Variants in ARMC3 observed in about 807,000 individuals in gnomAD.
ARMC3 encodes armadillo repeat containing 3.
A neutral mutation model predicts 90.3 loss-of-function variants in ARMC3; 74 were observed. The ratio of observed to expected loss-of-function variants is 0.82; its 90% CI spans 0.68 to 0.99. The LOEUF (loss-of-function observed/expected upper bound fraction) is 0.99. Ranked by LOEUF, ARMC3 falls within the 50% of genes least tolerant of loss-of-function variation. ARMC3 has a pLI of 0.00. For synonymous variants in ARMC3, 334 were observed against 361.8 expected (o/e 0.92, Z 0.87); for missense variants, 958 against 1,042.8 (o/e 0.92, Z 1.12).
chr10:22,933,249 T>C (rs894034448), intron 2 of ARMC3, among the ~76,000 whole-genome samples: 7 of 152,216 alleles, frequency 4.6e-5, no homozygotes, highest in African/African-American at 1.7e-4. Flanking sequence ...TCCTAAAATG[T>C]TGCAGATTCT....
chr10:23,015,467 A>G (rs536821356), intron 16 of ARMC3, among the ~76,000 whole-genome samples: 1 of 152,226 alleles, frequency 6.6e-6, no homozygotes, highest in Non-Finnish European at 1.5e-5. Flanking sequence ...GAAATGTGTG[A>G]TAAGTTCTGT....
intron 17 of ARMC3, chr10:23,031,094 A>G (rs555718905): frequency 1.3e-4 from 35 of 269,472 alleles, no homozygotes; most frequent in Non-Finnish European, 1.9e-4. Context: ...GAATGAATCA[A>G]AAGTTTGAAG....
rs1185513820 is a variant in ARMC3 at position 23,008,723 on chromosome 10, TA to T, written c.1929-87del. ...ATGAAGTAAAAATTGTATAATGAAG[TA>T]AAAATGCCTTGTAAGCTCTAAATGC... On this transcript the variant is annotated intron_variant, in intron 15 of 18. Transcript: ENST00000298032. The T allele has an allele frequency of 6.6e-6, 7 of 1,057,218 alleles. No individual in the cohort carries two copies. The East Asian group carries it at 1.7e-4, about 26-fold the overall frequency. 65.5% of individuals were successfully genotyped at this position (1,057,218 alleles called of 1,614,324 possible).
intron 8 of ARMC3, among the ~76,000 whole-genome samples, chr10:22,976,255 A>T (rs375977259): frequency 2.8e-4 from 43 of 152,056 alleles, no homozygotes; most frequent in African/African-American, 9.6e-4. Context: ...TTTCTTATCA[A>T]CCTCTTTGAC....
intron 16 of ARMC3, among the ~76,000 whole-genome samples, chr10:23,011,455 C>G (rs919100809): frequency 2.0e-5 from 3 of 152,194 alleles, no homozygotes; most frequent in Non-Finnish European, 4.4e-5. Flanking sequence ...GGTAAACACT[C>G]AACCAGTGTC....
At chr10:23,032,775 C>T (rs1021537216) in intron 17 of ARMC3, 86 bp from the exon 18 acceptor site, 1 of 1,312,894 alleles carries the variant, frequency 7.6e-7, no homozygotes, top group Admixed American at 2.6e-5. Flanking sequence ...GTCATTTTTA[C>T]ATGTATATTT....
At chr10:23,033,132 T>C (rs960754407) in intron 18 of ARMC3, 109 bp downstream of exon 18, 2 of 995,398 alleles carry the variant, frequency 2.0e-6, no homozygotes, top group African/African-American at 3.3e-5. Context: ...AATTCTACCA[T>C]TTAGATTTAT....
intron 16 of ARMC3, among the ~76,000 whole-genome samples, chr10:23,021,331 G>A (rs1469732499): frequency 6.6e-6 from 1 of 152,218 alleles, no homozygotes; most frequent in Non-Finnish European, 1.5e-5. Flanking sequence ...TGTACACCCA[G>A]TAATGGGATG....
At chr10:22,959,650 G>T (rs1404082853) in intron 6 of ARMC3, 76 bp downstream of exon 6, 55 of 1,429,426 alleles carry the variant, frequency 3.8e-5, no homozygotes, top group Non-Finnish European at 4.6e-5. Flanking sequence ...ATAGAAAAAA[G>T]CTTTTAAAAA....
At chr10:22,999,384 A>G (rs1191017537) in intron 11 of ARMC3, among the ~76,000 whole-genome samples, 2 of 152,198 alleles carry the variant, frequency 1.3e-5, no homozygotes, top group African/African-American at 4.8e-5. Context: ...CCGCATCTCT[A>G]CAAAAAGACT....
At chr10:22,945,044 G>A (rs1231466994) in intron 2 of ARMC3, among the ~76,000 whole-genome samples, 5 of 152,136 alleles carry the variant, frequency 3.3e-5, no homozygotes, top group Non-Finnish European at 7.4e-5. Context: ...AGACAATGCC[G>A]TTCTAAAATT....
chr10:23,024,720 A>T (rs1320710315), intron 16 of ARMC3, among the ~76,000 whole-genome samples: 1 of 152,158 alleles, frequency 6.6e-6, no homozygotes, highest in African/African-American at 2.4e-5. Flanking sequence ...GTCAAGATGG[A>T]ATCCTAAAAA....
chr10:23,022,704 C>G (rs1024509028), intron 16 of ARMC3, among the ~76,000 whole-genome samples: 3 of 152,146 alleles, frequency 2.0e-5, no homozygotes, highest in Non-Finnish European at 4.4e-5. Context: ...TCCCTTTTCC[C>G]CCTTCTACCC....
At chr10:22,979,337 T>C (rs1836084530) in intron 8 of ARMC3, among the ~76,000 whole-genome samples, 1 of 152,230 alleles carries the variant, frequency 6.6e-6, no homozygotes, top group Non-Finnish European at 1.5e-5. Context: ...TGTTAATTCA[T>C]CTTTTAAATC....
chr10:22,957,521 G>A (rs56675589), intron 4 of ARMC3, among the ~76,000 whole-genome samples: 5,512 of 152,166 alleles, frequency 0.036, 314 homozygotes, highest in African/African-American at 0.12. Flanking sequence ...CAGTCATGGC[G>A]GAGTGCATGA....
At position 22,971,883 on chromosome 10, in the gene ARMC3, C is replaced by T. The variant is rs535110033; in HGVS notation, c.916+3394C>T. Among the ~76,000 whole-genome samples, 3 of 152,270 alleles carry T rather than the reference C, an allele frequency of 2.0e-5. No homozygotes were observed. In the East Asian group the frequency reaches 5.8e-4, roughly 29 times the overall value. ...GCTATTTTCTGTTTGTTGATAGTAG[C>T]CATCCTAATGGGCGTGAGGTGCTAT... On this transcript the variant is annotated intron_variant, in intron 8 of 18. Transcript: ENST00000298032.
chr10:22,976,730 T>C (rs1835939288), intron 8 of ARMC3, among the ~76,000 whole-genome samples: 1 of 152,242 alleles, frequency 6.6e-6, no homozygotes, highest in Admixed American at 6.5e-5. Context: ...TTCCTGCCTG[T>C]ATTTCTGACA....
chr10:22,944,572 A>G (rs1176595594), intron 2 of ARMC3, among the ~76,000 whole-genome samples: 1 of 152,176 alleles, frequency 6.6e-6, no homozygotes, highest in African/African-American at 2.4e-5. Context: ...CTAGAATTTT[A>G]TATCTGGAAG....
At position 23,000,339 on chromosome 10, in the gene ARMC3, G is replaced by C. The variant is rs572258381; in HGVS notation, c.1426-1580G>C. Among the ~76,000 whole-genome samples the C allele has an allele frequency of 2.0e-5, 3 of 152,108 alleles. No homozygotes were observed. In the East Asian group the frequency reaches 5.8e-4, roughly 29 times the overall value. On this transcript the variant is annotated intron_variant, in intron 11 of 18. Transcript: ENST00000298032. ...ATTCCTATTAGTTCTTCAAAATCCAGCTCTACCCTCCTGTCCCCCAGAAGG... is the reference window on the plus strand; with the variant it reads ...ATTCCTATTAGTTCTTCAAAATCCACCTCTACCCTCCTGTCCCCCAGAAGG...
Sources: allele counts gnomAD v4.1 joint callset (sites outside exome capture counted in the v4.1 genomes callset), GRCh38; gene constraint gnomAD v4.1.1; transcripts MANE v1.5; gene names NCBI Gene and HGNC (gene_info 2026-07-23, HGNC 2026-07-21).